GAS2L3: variants seen among roughly 807,000 people sequenced by gnomAD.
The protein encoded by GAS2L3 is growth arrest specific 2 like 3.
In GAS2L3, 28 loss-of-function variants were observed where a neutral mutation model predicts 37.0. The observed-to-expected ratio is 0.76, with a 90% CI of 0.56 to 1.04. The LOEUF (loss-of-function observed/expected upper bound fraction) is 1.04, where lower values mean the gene tolerates loss of function less well. GAS2L3 is among the 50% of genes least tolerant of loss of function. GAS2L3 has a pLI of 0.00. For synonymous variants in GAS2L3, 290 were observed against 296.6 expected (o/e 0.98, Z 0.23); for missense variants, 793 against 817.6 (o/e 0.97, Z 0.37).
chr12:100,599,785 G>C (rs1395096329), intron 3 of GAS2L3, among the ~76,000 whole-genome samples: 1 of 152,206 alleles, frequency 6.6e-6, no homozygotes, highest in Non-Finnish European at 1.5e-5. Flanking sequence ...AGGATGTTAA[G>C]ACTCTGGTCA....
intron 1 of GAS2L3, among the ~76,000 whole-genome samples, chr12:100,576,825 A>G (rs753439456): frequency 6.6e-6 from 1 of 152,216 alleles, no homozygotes; most frequent in Non-Finnish European, 1.5e-5. Context: ...ACTAGAATGT[A>G]ATAAAATGTA....
chr12:100,584,428 A>C (rs1429195122), intron 1 of GAS2L3, among the ~76,000 whole-genome samples: 1 of 152,066 alleles, frequency 6.6e-6, no homozygotes, highest in Non-Finnish European at 1.5e-5. Context: ...GACCCTTGTC[A>C]CTTCCTTTTC....
chr12:100,610,825 T>TA (rs1324274644), intron 5 of GAS2L3, among the ~76,000 whole-genome samples: 5 of 151,896 alleles, frequency 3.3e-5, no homozygotes, highest in Non-Finnish European at 2.9e-5. Context: ...GAGCAGATAG[T>TA]AAAAAAAATT....
chr12:100,596,886 T>G (rs545355298), intron 3 of GAS2L3, among the ~76,000 whole-genome samples: 1 of 152,208 alleles, frequency 6.6e-6, no homozygotes, highest in African/African-American at 2.4e-5. Flanking sequence ...TAAGTTAATC[T>G]GTAGAGTACC....
At chr12:100,595,681 C>T (rs925017332) in intron 3 of GAS2L3, among the ~76,000 whole-genome samples, 1 of 151,932 alleles carries the variant, frequency 6.6e-6, no homozygotes, top group Non-Finnish European at 1.5e-5. Flanking sequence ...GATCCTAGTT[C>T]TGCCCCTTTG....
chr12:100,581,388 A>G (rs1348487693), intron 1 of GAS2L3, among the ~76,000 whole-genome samples: 4 of 152,304 alleles, frequency 2.6e-5, no homozygotes, highest in African/African-American at 9.6e-5. Flanking sequence ...CATGGTGTGT[A>G]TTATTCTTTG....
chr12:100,594,825 A>G, intron 2 of GAS2L3, 50 bp from the exon 3 acceptor site: 1 of 612,610 alleles, frequency 1.6e-6, no homozygotes. Flanking sequence ...TTGGGGGAGT[A>G]GCAAAACTGC....
At chr12:100,603,282 C>G (rs57072985) in intron 5 of GAS2L3, among the ~76,000 whole-genome samples, 11,630 of 152,154 alleles carry the variant, frequency 0.076, 613 homozygotes, top group South Asian at 0.18. Flanking sequence ...GTTCCCTTTT[C>G]TCCACATCTT....
intron 6 of GAS2L3, 115 bp from the exon 7 acceptor site, chr12:100,617,629 C>CA: frequency 1.5e-6 from 1 of 666,694 alleles, no homozygotes; most frequent in South Asian, 1.8e-5. Flanking sequence ...TTTTTCTAAA[C>CA]AAGTAAACCT....
intron 1 of GAS2L3, among the ~76,000 whole-genome samples, chr12:100,577,203 T>C (rs1027623642): frequency 1.3e-5 from 2 of 152,230 alleles, no homozygotes; most frequent in African/African-American, 4.8e-5. Context: ...TCTGTGTTAT[T>C]CTTTGAAGTG....
rs1162458336 is a variant in GAS2L3, at chr12:100,624,776, A to G, written c.1971A>G (p.Lys657=). 1.2e-6 allele frequency: 2 copies of G among 1,613,954 alleles called. No individual in the cohort carries two copies. The highest frequency in any genetic ancestry group is 1.7e-6 in the Non-Finnish European group (2 of 1,180,004). The change falls in exon 10 of 10, where the codon AAA becomes AAG. Residue 657 remains lysine, a synonymous_variant. Coordinates refer to ENST00000547754, the MANE Select transcript of GAS2L3 (RefSeq NM_174942.3). ...RSGKTPASIR[K]PPSSVKDADS... Reference sequence around the variant, plus strand: ...GCAAAACCCCAGCTTCAATCAGGAAACCACCCTCATCTGTTAAGGATGCAG... The same window carrying G: ...GCAAAACCCCAGCTTCAATCAGGAAGCCACCCTCATCTGTTAAGGATGCAG...
chr12:100,616,182 A>T (rs916648146), intron 6 of GAS2L3, among the ~76,000 whole-genome samples: 1 of 152,310 alleles, frequency 6.6e-6, no homozygotes, highest in East Asian at 1.9e-4. Flanking sequence ...TTTTCAGTGT[A>T]CAAGTATTAC....
intron 1 of GAS2L3, chr12:100,579,605 A>C: frequency 1.3e-6 from 1 of 774,402 alleles, no homozygotes; most frequent in South Asian, 1.4e-5. Flanking sequence ...ATCTTTTGGG[A>C]GCTTTAGAAC....
At chr12:100,613,426 C>G (rs904041715) in intron 6 of GAS2L3, among the ~76,000 whole-genome samples, 1 of 152,014 alleles carries the variant, frequency 6.6e-6, no homozygotes, top group Non-Finnish European at 1.5e-5. Flanking sequence ...TTTTAAGGAA[C>G]TTAGAAGATA....
intron 4 of GAS2L3, 86 bp downstream of exon 4, chr12:100,600,636 GT>G (rs1955976559): frequency 9.5e-7 from 1 of 1,056,834 alleles, no homozygotes; most frequent in Non-Finnish European, 1.4e-6. Context: ...AGGAGTGATT[GT>G]TACAGATGCT....
In GAS2L3 at chr12:100,618,603, A is replaced by G. The variant is rs773209803; in HGVS notation, c.648+16A>G. The G allele has an allele frequency of 1.3e-5, 20 of 1,598,772 alleles. No individual in the cohort carries two copies. The highest frequency in any genetic ancestry group is 1.7e-5 in the Non-Finnish European group (20 of 1,174,552). The stretch of plus-strand genomic sequence containing the variant: ...ACATGAAGCTGTAAGTAGTTGCCAC[A>G]CTTTCTTTTGACCATGATACCTTGA... On this transcript the variant is annotated intron_variant, in intron 8 of 9. Coordinates refer to ENST00000547754, the MANE Select transcript of GAS2L3 (RefSeq NM_174942.3).
rs769226380 is a variant in GAS2L3, at chr12:100,624,509, A to G, written c.1704A>G (p.Ser568=). Residue 568 remains serine, a synonymous_variant, in exon 10 of 10, where the codon TCA becomes TCG. Transcript: ENST00000547754. The part of the protein sequence containing the change: ...LNLNQPVSVS[S]VSPVKATQKS... ...TAAATCAGCCAGTTTCTGTGTCCTC[A>G]GTTTCTCCTGTAAAAGCCACACAGA... is the stretch of plus-strand genomic sequence containing the variant. The G allele has an allele frequency of 5.6e-6, 9 of 1,614,110 alleles. No homozygotes were observed. Among genetic ancestry groups the G allele is most frequent in the Non-Finnish European group, 7.6e-6 (9 of 1,180,032 alleles).
Position 100,624,040 on chromosome 12 carries a change from T to C in GAS2L3, c.1235T>C (p.Val412Ala), listed in dbSNP as rs1198063153. 1 of 1,614,006 alleles carries C rather than the reference T, an allele frequency of 6.2e-7. No individual in the cohort carries two copies. Among genetic ancestry groups the C allele is most frequent in the Non-Finnish European group, 8.5e-7 (1 of 1,179,992 alleles). ...TCTTCACTTGCTTCATTAAATCCAG[T>C]AGGTAAAAACACTTCTTCACCAGCT... ...ASSSLASLNP[V>A]GKNTSSPALP... The change falls in exon 10 of 10, where the codon GTA (valine) becomes GCA (alanine). Residue 412 changes from valine (V) to alanine (A), a missense_variant. Physicochemically the swap from Val to Ala is moderately conservative, Grantham distance 64. Coordinates refer to ENST00000547754, the MANE Select transcript of GAS2L3 (RefSeq NM_174942.3).
Position 100,623,692 on chromosome 12 carries a change from A to G in GAS2L3, c.887A>G (p.Gln296Arg), listed in dbSNP as rs201339445. The G allele has an allele frequency of 1.9e-5, 31 of 1,614,040 alleles. No individual in the cohort carries two copies. The highest frequency in any genetic ancestry group is 2.6e-5 in the Non-Finnish European group (31 of 1,179,934). ...TTAGAACAAAAAATTTTAGCATTTC[A>G]AAAAGGAGTTTCTAATGAAAGTGTA... is the stretch of plus-strand genomic sequence containing the variant. ...ATLEQKILAF[Q>R]KGVSNESVPD... is the part of the protein sequence containing the mutation. The change falls in exon 10 of 10, where the codon CAA becomes CGA. Residue 296 changes from glutamine to arginine, a missense_variant. Gln to Arg is a conservative substitution (Grantham distance 43). Transcript: ENST00000547754.
Sources: allele counts gnomAD v4.1 joint callset (sites outside exome capture counted in the v4.1 genomes callset), GRCh38; gene constraint gnomAD v4.1.1; transcripts MANE v1.5; gene names NCBI Gene and HGNC (gene_info 2026-07-23, HGNC 2026-07-21).